The following WWOX variants were observed in gnomAD, a reference collection of about 807,000 sequenced individuals.
The protein encoded by WWOX is WW domain-containing oxidoreductase.
WWOX carries 69 observed loss-of-function variants against 46.2 expected under a neutral mutation model. The ratio of observed to expected loss-of-function variants is 1.49; its 90% CI spans 1.23 to 1.82. The LOEUF is 1.82. WWOX is among the 40% of genes most tolerant of loss of function. WWOX has a pLI of 0.00. For synonymous variants in WWOX, 359 were observed against 202.6 expected (o/e 1.77, Z -6.56); for missense variants, 919 against 542.6 (o/e 1.69, Z -6.89).
At chr16:78,710,473 C>CATATATATATATATATATATAT (rs544025863) in intron 8 of WWOX, among the ~76,000 whole-genome samples, 1,751 of 62,662 alleles carry the variant, frequency 0.028, 66 homozygotes, top group Middle Eastern at 0.048. Flanking sequence ...TAATGGATCT[C>CATATATATATATATATATATAT]ATATATATAT....
intron 8 of WWOX, among the ~76,000 whole-genome samples, chr16:78,949,516 T>C (rs374576030): frequency 2.8e-4 from 43 of 152,336 alleles, no homozygotes; most frequent in African/African-American, 1.0e-3. Context: ...GATGAGTGTG[T>C]TCAGAGTCAT....
intron 8 of WWOX, among the ~76,000 whole-genome samples, chr16:78,711,593 C>T (rs565650005): frequency 3.7e-4 from 56 of 152,278 alleles, no homozygotes; most frequent in Admixed American, 1.1e-3. Flanking sequence ...TAAACCTTAA[C>T]GCTTAAAAAT....
intron 8 of WWOX, among the ~76,000 whole-genome samples, chr16:78,479,526 C>CTT (rs2084436923): frequency 6.6e-6 from 1 of 152,226 alleles, no homozygotes; most frequent in African/African-American, 2.4e-5. Context: ...AATGAAGTCA[C>CTT]TTTGTGGCAT....
At chr16:78,938,563 T>C (rs984811152) in intron 8 of WWOX, among the ~76,000 whole-genome samples, 1 of 152,192 alleles carries the variant, frequency 6.6e-6, no homozygotes, top group South Asian at 2.1e-4. Context: ...TGGGTTTTTG[T>C]TAAATACGGC....
rs192067236 is a variant in WWOX, at chr16:78,809,582, G to A, written c.1056+376830G>A. On this transcript the variant is annotated intron_variant, in intron 8 of 8. Coordinates refer to ENST00000566780, the MANE Select transcript of WWOX (RefSeq NM_016373.4). ...AGTTAGCCTTTATTTTTGGTGTCATGTCTTCTTTCCCTCCTCCTATCAGTT... is the reference window on the plus strand; with the variant it reads ...AGTTAGCCTTTATTTTTGGTGTCATATCTTCTTTCCCTCCTCCTATCAGTT... Among the ~76,000 whole-genome samples the A allele has an allele frequency of 3.3e-5, 5 of 152,202 alleles. No individual in the cohort carries two copies. In the East Asian group the frequency reaches 9.7e-4, roughly 29 times the overall value.
chr16:78,957,338 G>A (rs1178587189), intron 8 of WWOX, among the ~76,000 whole-genome samples: 1 of 152,186 alleles, frequency 6.6e-6, no homozygotes, highest in Non-Finnish European at 1.5e-5. Context: ...GAGATCACAA[G>A]AAAGAATTAT....
chr16:79,021,766 C>A (rs2047538215), intron 8 of WWOX, among the ~76,000 whole-genome samples: 1 of 152,160 alleles, frequency 6.6e-6, no homozygotes, highest in Admixed American at 6.5e-5. Context: ...TCTGTGTACA[C>A]CCCCTCTTTC....
intron 8 of WWOX, among the ~76,000 whole-genome samples, chr16:78,774,262 G>T (rs1001849683): frequency 6.6e-6 from 1 of 152,116 alleles, no homozygotes; most frequent in African/African-American, 2.4e-5. Flanking sequence ...TTAGCTGGGC[G>T]TGGTAGCAGG....
chr16:78,488,753 G>T (rs529263853), intron 8 of WWOX, among the ~76,000 whole-genome samples: 41 of 152,174 alleles, frequency 2.7e-4, no homozygotes, highest in Non-Finnish European at 4.7e-4. Context: ...TGGGGCATCT[G>T]ACTTCACCTT....
At chr16:78,852,578 A>C (rs1420498125) in intron 8 of WWOX, among the ~76,000 whole-genome samples, 1 of 152,170 alleles carries the variant, frequency 6.6e-6, no homozygotes, top group East Asian at 1.9e-4. Flanking sequence ...CTTAGGAGAC[A>C]CCCAAGTCAA....
Position 79,142,216 on chromosome 16 carries a change from C to T in WWOX, c.1057-69392C>T, listed in dbSNP as rs193158606. 9.7e-4 allele frequency among the ~76,000 whole-genome samples: 147 copies of T among 152,294 alleles called. 1 individual carries two copies. Among genetic ancestry groups the T allele is most frequent in the Non-Finnish European group, 1.8e-4 (12 of 68,040 alleles). The stretch of plus-strand genomic sequence containing the variant: ...GACCAAGCAGACATGGCCATAGTGA[C>T]AGGCTAAGGAAGCACAAATCACAAA... On this transcript the variant is annotated intron_variant, in intron 8 of 8. Coordinates refer to ENST00000566780, the MANE Select transcript of WWOX (RefSeq NM_016373.4).
At chr16:79,028,893 C>T (rs1041696375) in intron 8 of WWOX, among the ~76,000 whole-genome samples, 3 of 96,224 alleles carry the variant, frequency 3.1e-5, no homozygotes, top group East Asian at 7.6e-4. Context: ...TTTCCTGAAC[C>T]ACTAGAAAAA....
chr16:78,384,559 T>C (rs2082021399), intron 5 of WWOX, among the ~76,000 whole-genome samples: 1 of 152,130 alleles, frequency 6.6e-6, no homozygotes, highest in African/African-American at 2.4e-5. Flanking sequence ...TTGGTGGCAG[T>C]TGCCCTCTTT....
At chr16:78,589,998 C>G (rs1003475882) in intron 8 of WWOX, among the ~76,000 whole-genome samples, 6 of 152,128 alleles carry the variant, frequency 3.9e-5, no homozygotes, top group African/African-American at 1.4e-4. Context: ...GGTCACTCAA[C>G]AAATTTTGTG....
At chr16:79,006,059 C>G (rs969266775) in intron 8 of WWOX, among the ~76,000 whole-genome samples, 3 of 152,134 alleles carry the variant, frequency 2.0e-5, no homozygotes, top group African/African-American at 7.2e-5. Context: ...TGAGTGAACC[C>G]ATATCAACAA....
chr16:78,871,456 T>G (rs1412762107), intron 8 of WWOX, among the ~76,000 whole-genome samples: 2 of 152,200 alleles, frequency 1.3e-5, no homozygotes, highest in African/African-American at 2.4e-5. Context: ...CACCACAGTT[T>G]CCAGTGCTTC....
intron 8 of WWOX, among the ~76,000 whole-genome samples, chr16:78,998,410 G>A (rs1434687092): frequency 6.6e-6 from 1 of 152,124 alleles, no homozygotes; most frequent in Non-Finnish European, 1.5e-5. Flanking sequence ...CACAGAAGAT[G>A]CTCCACATGT....
intron 4 of WWOX, among the ~76,000 whole-genome samples, chr16:78,135,939 T>A (rs1269932778): frequency 3.3e-5 from 5 of 152,212 alleles, no homozygotes; most frequent in African/African-American, 4.8e-5. Flanking sequence ...TATAGATGCC[T>A]GGTGTTGAAT....
intron 8 of WWOX, among the ~76,000 whole-genome samples, chr16:79,167,149 C>T (rs1028654995): frequency 2.0e-5 from 3 of 152,042 alleles, no homozygotes; most frequent in Non-Finnish European, 4.4e-5. Context: ...GCCATGTTGG[C>T]CAAGCTGATC....
Sources: gnomAD v4.1 joint callset for allele counts (sites outside exome capture counted in the v4.1 genomes callset) on GRCh38, gnomAD v4.1.1 for gene constraint, MANE v1.5 for transcripts, NCBI Gene and HGNC (gene_info 2026-07-23, HGNC 2026-07-21) for gene names.